The following EYS variants were observed in gnomAD, a reference collection of about 807,000 sequenced individuals.
The protein encoded by EYS is protein eyes shut homolog.
Under a neutral mutation model 282.1 loss-of-function variants are expected in EYS, and 250 were observed. That is an observed-to-expected ratio of 0.89 (90% CI 0.80 to 0.98). EYS has a LOEUF of 0.98. Ranked by LOEUF, EYS falls within the 50% of genes least tolerant of loss-of-function variation. EYS has a pLI of 0.00. For missense variants in EYS, 4,016 were observed against 3,709.0 expected, an observed-to-expected ratio of 1.08 and a Z score of -2.15; for synonymous variants, 1,355 against 1,282.9, an observed-to-expected ratio of 1.06 and a Z score of -1.20.
At chr6:63,749,835 C>T (rs1769299351) in intron 41 of EYS, among the ~76,000 whole-genome samples, 1 of 152,206 alleles carries the variant, frequency 6.6e-6, no homozygotes, top group Non-Finnish European at 1.5e-5. Flanking sequence ...TTCAGCCTGG[C>T]TTCTGTGTCT....
chr6:64,274,481 GTTTT>G, intron 30 of EYS, among the ~76,000 whole-genome samples: 1 of 92,224 alleles, frequency 1.1e-5, no homozygotes, highest in South Asian at 4.3e-4. Context: ...ACGCCTGGCC[GTTTT>G]TTTTTTTTTT....
rs541316433 is a variant in EYS, at chr6:64,739,924, A to C, written c.3443+73454T>G. On this transcript the variant is annotated intron_variant, in intron 22 of 42. Coordinates refer to ENST00000503581, the MANE Select transcript of EYS (RefSeq NM_001142800.2). ...AATAATGTTTTTAAACTCTTATTTTATGTTAATAGTTGTTACACACATTAG... is the reference window on the plus strand; with the variant it reads ...AATAATGTTTTTAAACTCTTATTTTCTGTTAATAGTTGTTACACACATTAG... 5.9e-5 allele frequency among the ~76,000 whole-genome samples: 9 copies of C among 152,278 alleles called. No individual in the cohort carries two copies. The East Asian group carries it at 1.5e-3, about 26-fold the overall frequency.
At chr6:63,825,717 C>A (rs1582246141) in intron 36 of EYS, among the ~76,000 whole-genome samples, 1 of 152,182 alleles carries the variant, frequency 6.6e-6, no homozygotes, top group South Asian at 2.1e-4. Context: ...CAAGGAAACA[C>A]CCCATGGGAC....
At chr6:64,917,787 A>G (rs1170622307) in intron 15 of EYS, among the ~76,000 whole-genome samples, 1 of 152,196 alleles carries the variant, frequency 6.6e-6, no homozygotes, top group African/African-American at 2.4e-5. Flanking sequence ...TCAAAACATT[A>G]TGTTATACAA....
chr6:63,822,867 G>A (rs1218255277), intron 36 of EYS, among the ~76,000 whole-genome samples: 1 of 152,108 alleles, frequency 6.6e-6, no homozygotes, highest in African/African-American at 2.4e-5. Flanking sequence ...GGAATACTAT[G>A]TGCTTTTGGT....
intron 26 of EYS, among the ~76,000 whole-genome samples, chr6:64,475,331 C>T (rs1468773021): frequency 1.4e-5 from 1 of 71,742 alleles, no homozygotes; most frequent in African/African-American, 4.2e-5. Context: ...GCGGGCGGAT[C>T]ACAAGGTCAG....
intron 26 of EYS, among the ~76,000 whole-genome samples, chr6:64,473,088 T>C (rs560720844): frequency 3.3e-5 from 5 of 152,282 alleles, no homozygotes; most frequent in African/African-American, 1.2e-4. Flanking sequence ...TTATACTCAT[T>C]AGGCAACCAA....
intron 22 of EYS, among the ~76,000 whole-genome samples, chr6:64,643,752 A>G (rs1440270904): frequency 6.6e-6 from 1 of 152,194 alleles, no homozygotes; most frequent in East Asian, 1.9e-4. Context: ...TTTATAAGGG[A>G]GAGTTTCCTT....
In EYS at chr6:64,604,146, C is replaced by T. The variant is rs368104551; in HGVS notation, c.3685-10837G>A. 2.6e-5 allele frequency among the ~76,000 whole-genome samples: 4 copies of T among 151,818 alleles called. No homozygotes were observed. In the East Asian group the frequency reaches 7.7e-4, roughly 29 times the overall value. ...TTAGAATAATTCATCTATAATGGCT[C>T]CTGAGAGTCATTGCCTGGGACACTG... On this transcript the variant is annotated intron_variant, in intron 24 of 42. Coordinates refer to ENST00000503581, the MANE Select transcript of EYS (RefSeq NM_001142800.2).
In EYS at chr6:63,720,514, C is replaced by T. The variant is rs550077615; in HGVS notation, c.*82G>A. The T allele has an allele frequency of 2.0e-6, 2 of 993,626 alleles. No homozygotes were observed. The highest frequency in any genetic ancestry group is 2.0e-5 in the South Asian group (1 of 49,674). 61.6% of individuals were successfully genotyped at this position (993,626 alleles called of 1,614,324 possible). The stretch of plus-strand genomic sequence containing the variant: ...CAGGTAATATAGTAAACAGTTGATT[C>T]CCCGTAAGCAATGTATCAAAGAAAT... On this transcript the variant is annotated 3_prime_UTR_variant, in exon 43 of 43. Coordinates refer to ENST00000503581, the MANE Select transcript of EYS (RefSeq NM_001142800.2).
chr6:65,433,440 C>G (rs760758743), intron 5 of EYS, among the ~76,000 whole-genome samples: 3 of 152,012 alleles, frequency 2.0e-5, no homozygotes, highest in Non-Finnish European at 2.9e-5. Context: ...AATGCTTCAA[C>G]AAGATTATAT....
chr6:64,581,615 A>G (rs904499678), intron 26 of EYS, among the ~76,000 whole-genome samples: 2 of 152,200 alleles, frequency 1.3e-5, no homozygotes, highest in Non-Finnish European at 2.9e-5. Flanking sequence ...TCAAAATTAC[A>G]TAATTCATAT....
chr6:65,326,917 A>C lies in EYS; in HGVS notation c.1766+8063T>G, dbSNP rs544443074. On this transcript the variant is annotated intron_variant, in intron 11 of 42. Coordinates refer to ENST00000503581, the MANE Select transcript of EYS (RefSeq NM_001142800.2). ...TGTCAGTAGACCACAAAATAAAATTATTTTATTTCTAATAAGTTTTTTAAA... is the reference window on the plus strand; with the variant it reads ...TGTCAGTAGACCACAAAATAAAATTCTTTTATTTCTAATAAGTTTTTTAAA... 2.6e-5 allele frequency among the ~76,000 whole-genome samples: 4 copies of C among 151,782 alleles called. No individual in the cohort carries two copies. The South Asian group carries it at 8.3e-4, about 31-fold the overall frequency.
intron 35 of EYS, among the ~76,000 whole-genome samples, chr6:63,872,671 G>A (rs1251132212): frequency 8.6e-5 from 13 of 151,924 alleles, no homozygotes; most frequent in Non-Finnish European, 5.9e-5. Flanking sequence ...TAGGGATGAT[G>A]TTTTGCCATG....
chr6:64,127,343 A>G (rs975814064), intron 31 of EYS, among the ~76,000 whole-genome samples: 2 of 152,162 alleles, frequency 1.3e-5, no homozygotes, highest in Non-Finnish European at 2.9e-5. Flanking sequence ...CAATAGCTAC[A>G]ATTACTTACT....
chr6:64,101,041 G>A (rs1164255252), intron 31 of EYS, among the ~76,000 whole-genome samples: 2 of 152,022 alleles, frequency 1.3e-5, no homozygotes, highest in Admixed American at 1.3e-4. Context: ...GCTAAAACCA[G>A]CAAATGTTGT....
intron 41 of EYS, among the ~76,000 whole-genome samples, chr6:63,747,846 G>A (rs1456550904): frequency 6.6e-6 from 1 of 151,680 alleles, no homozygotes; most frequent in African/African-American, 2.4e-5. Flanking sequence ...GTGTGTCTTT[G>A]CACATGAGAT....
chr6:65,507,206 G>A (rs940666038), intron 2 of EYS, among the ~76,000 whole-genome samples: 2 of 151,936 alleles, frequency 1.3e-5, no homozygotes, highest in African/African-American at 4.8e-5. Flanking sequence ...TAGAATTCTA[G>A]GTTAGTGGGC....
chr6:65,310,031 C>T (rs1303660111), intron 11 of EYS, among the ~76,000 whole-genome samples: 1 of 152,146 alleles, frequency 6.6e-6, no homozygotes, highest in African/African-American at 2.4e-5. Context: ...CCTTCAGGTC[C>T]CTCCCATTGC....
Sources: gnomAD v4.1 joint callset for allele counts (sites outside exome capture counted in the v4.1 genomes callset) on GRCh38, gnomAD v4.1.1 for gene constraint, MANE v1.5 for transcripts, NCBI Gene and HGNC (gene_info 2026-07-23, HGNC 2026-07-21) for gene names.